The following PTPRD variants were observed in gnomAD, a reference collection of about 807,000 sequenced individuals.
The protein encoded by PTPRD is receptor-type tyrosine-protein phosphatase delta.
A neutral mutation model predicts 214.5 loss-of-function variants in PTPRD; 34 were observed. The observed-to-expected ratio is 0.16, with a 90% CI of 0.12 to 0.21. The LOEUF (loss-of-function observed/expected upper bound fraction) is 0.21. PTPRD is among the 10% of genes least tolerant of loss of function. The probability of loss-of-function intolerance (pLI) is 1.00; values close to 1 mark genes in which losing one functional copy is unlikely to be tolerated. For synonymous variants in PTPRD, 1,128 were observed against 845.7 expected (o/e 1.33, Z -5.79); for missense variants, 2,545 against 2,398.7 (o/e 1.06, Z -1.27).
intron 3 of PTPRD, among the ~76,000 whole-genome samples, chr9:10,314,729 T>A (rs1031532957): frequency 6.6e-6 from 1 of 152,036 alleles, no homozygotes; most frequent in East Asian, 1.9e-4. Flanking sequence ...GGGGGGAAAC[T>A]TGCAAGAGTA....
intron 11 of PTPRD, among the ~76,000 whole-genome samples, chr9:8,875,340 G>C (rs1473301816): frequency 6.6e-6 from 1 of 151,456 alleles, no homozygotes; most frequent in Non-Finnish European, 1.5e-5. Flanking sequence ...CTGGGCAACA[G>C]AATGAGACTG....
intron 34 of PTPRD, among the ~76,000 whole-genome samples, chr9:8,444,288 G>C (rs141071551): frequency 6.6e-6 from 1 of 151,970 alleles, no homozygotes; most frequent in Non-Finnish European, 1.5e-5. Flanking sequence ...TTAAAAAGAA[G>C]ACATAATACA....
intron 12 of PTPRD, among the ~76,000 whole-genome samples, chr9:8,684,899 A>G (rs1289340409): frequency 6.6e-6 from 1 of 152,178 alleles, no homozygotes; most frequent in African/African-American, 2.4e-5. Context: ...TGCTCAAACA[A>G]TATTCACAAA....
chr9:9,523,997 A>G (rs2097058787), intron 8 of PTPRD, among the ~76,000 whole-genome samples: 2 of 152,298 alleles, frequency 1.3e-5, no homozygotes, highest in East Asian at 3.9e-4. Context: ...ACAGCCATCA[A>G]TCATTCATGG....
chr9:8,828,155 T>C (rs569149629), intron 11 of PTPRD, among the ~76,000 whole-genome samples: 1 of 152,314 alleles, frequency 6.6e-6, no homozygotes, highest in Non-Finnish European at 1.5e-5. Context: ...ATCATTTCTG[T>C]CTTCCAATGG....
chr9:9,351,557 C>A (rs1165287511), intron 9 of PTPRD, among the ~76,000 whole-genome samples: 1 of 151,912 alleles, frequency 6.6e-6, no homozygotes, highest in Non-Finnish European at 1.5e-5. Context: ...TCAGGGAGGC[C>A]AAATAAAGCC....
chr9:9,155,605 G>A (rs1453235819), intron 10 of PTPRD, among the ~76,000 whole-genome samples: 4 of 152,128 alleles, frequency 2.6e-5, no homozygotes, highest in South Asian at 2.1e-4. Flanking sequence ...GATGCTCTAA[G>A]TGAAGACATT....
At chr9:8,774,547 T>TTTTTG (rs2095385986) in intron 11 of PTPRD, among the ~76,000 whole-genome samples, 1 of 143,544 alleles carries the variant, frequency 7.0e-6, no homozygotes, top group Non-Finnish European at 1.5e-5. Flanking sequence ...TTTTTTTTTT[T>TTTTTG]TTTTGAAACG....
At chr9:8,474,846 G>C in intron 30 of PTPRD, among the ~76,000 whole-genome samples, 1 of 151,940 alleles carries the variant, frequency 6.6e-6, no homozygotes, top group Non-Finnish European at 1.5e-5. Context: ...TAAAGTAGAA[G>C]GGCTGGCCCT....
chr9:8,906,467 AT>A (rs1408425871), intron 11 of PTPRD, among the ~76,000 whole-genome samples: 1 of 152,240 alleles, frequency 6.6e-6, no homozygotes, highest in Admixed American at 6.5e-5. Flanking sequence ...GAAATTAATT[AT>A]CTACCTCAAG....
intron 5 of PTPRD, among the ~76,000 whole-genome samples, chr9:9,832,624 C>A (rs183842876): frequency 9.9e-5 from 15 of 151,966 alleles, no homozygotes; most frequent in Admixed American, 7.2e-4. Context: ...AATTATGAAA[C>A]ATAAGAGAGA....
intron 11 of PTPRD, among the ~76,000 whole-genome samples, chr9:8,809,321 GACAT>G (rs1392369145): frequency 6.6e-5 from 10 of 152,044 alleles, no homozygotes; most frequent in Non-Finnish European, 1.5e-4. Flanking sequence ...TATAATCTCT[GACAT>G]ACAGTGTAAG....
chr9:9,731,768 T>C (rs1039626313), intron 7 of PTPRD, among the ~76,000 whole-genome samples: 1 of 152,108 alleles, frequency 6.6e-6, no homozygotes, highest in Non-Finnish European at 1.5e-5. Context: ...ATGAGAACAC[T>C]TGGACACAGT....
At chr9:8,949,784 C>G (rs1433164418) in intron 11 of PTPRD, among the ~76,000 whole-genome samples, 4 of 152,094 alleles carry the variant, frequency 2.6e-5, no homozygotes, top group Admixed American at 2.0e-4. Context: ...TTGTTGTCTT[C>G]TACGTGTTGC....
chr9:8,413,113 T>C (rs920195348), intron 35 of PTPRD, among the ~76,000 whole-genome samples: 18 of 152,196 alleles, frequency 1.2e-4, no homozygotes, highest in African/African-American at 4.3e-4. Context: ...TTTAATCAAA[T>C]ATGAAAATGT....
chr9:10,394,588 C>A (rs543938810), intron 2 of PTPRD, among the ~76,000 whole-genome samples: 1 of 151,652 alleles, frequency 6.6e-6, no homozygotes, highest in Non-Finnish European at 1.5e-5. Context: ...TTTCCAAAAC[C>A]ACGTAGTCTA....
intron 11 of PTPRD, among the ~76,000 whole-genome samples, chr9:8,988,425 A>G (rs925765013): frequency 6.6e-6 from 1 of 152,060 alleles, no homozygotes; most frequent in African/African-American, 2.4e-5. Flanking sequence ...ACCGTAAGAA[A>G]TCCTGGCTTT....
chr9:10,167,512 A>G (rs66483257), intron 3 of PTPRD, among the ~76,000 whole-genome samples: 56,909 of 151,894 alleles, frequency 0.37, 10,775 homozygotes, highest in Middle Eastern at 0.44. Context: ...TCCATTATCT[A>G]TTTATCTATT....
chr9:8,716,246 G>A (rs951829397), intron 12 of PTPRD, among the ~76,000 whole-genome samples: 1 of 152,194 alleles, frequency 6.6e-6, no homozygotes, highest in African/African-American at 2.4e-5. Context: ...ACCTGGCATT[G>A]TTAGAACCTA....
Sources: allele counts gnomAD v4.1 joint callset (sites outside exome capture counted in the v4.1 genomes callset), GRCh38; gene constraint gnomAD v4.1.1; transcripts MANE v1.5; gene names NCBI Gene and HGNC (gene_info 2026-07-23, HGNC 2026-07-21).